Variants in ABCC9 observed in about 807,000 individuals in gnomAD.
ABCC9 encodes ATP-binding cassette sub-family C member 9.
A neutral mutation model predicts 188.3 loss-of-function variants in ABCC9; 95 were observed. The ratio of observed to expected loss-of-function variants is 0.50; its 90% CI spans 0.43 to 0.60. The LOEUF (loss-of-function observed/expected upper bound fraction) is 0.60, where lower values mean the gene tolerates loss of function less well. Ranked by LOEUF, ABCC9 falls within the 20% of genes least tolerant of loss-of-function variation. The probability of loss-of-function intolerance (pLI) is 0.00; values close to 1 mark genes in which losing one functional copy is unlikely to be tolerated. For missense variants in ABCC9, 1,102 were observed against 1,876.3 expected, an observed-to-expected ratio of 0.59 and a Z score of 7.62; for synonymous variants, 659 against 652.7, an observed-to-expected ratio of 1.01 and a Z score of -0.15.
chr12:21,869,800 C>T (rs1291052570), intron 18 of ABCC9: 1 of 152,170 alleles, frequency 6.6e-6, no homozygotes, highest in Non-Finnish European at 1.5e-5. Context: ...AGAGACTTGT[C>T]TTGTCTTGTT....
intron 36 of ABCC9, among the ~76,000 whole-genome samples, chr12:21,811,509 C>T (rs561392175): frequency 6.6e-6 from 1 of 151,856 alleles, no homozygotes; most frequent in South Asian, 2.1e-4. Flanking sequence ...AAATATCTAC[C>T]CTAGAGTAAC....
intron 31 of ABCC9, among the ~76,000 whole-genome samples, chr12:21,825,331 G>A (rs1341771576): frequency 2.0e-5 from 3 of 152,128 alleles, no homozygotes; most frequent in Non-Finnish European, 2.9e-5. Flanking sequence ...CTACTATAAC[G>A]ATACATGCAC....
chr12:21,851,051 C>G (rs1160198907), intron 24 of ABCC9, among the ~76,000 whole-genome samples: 2 of 152,026 alleles, frequency 1.3e-5, no homozygotes, highest in Admixed American at 6.6e-5. Context: ...GTATCTTCCT[C>G]TCTCTATGGA....
Position 21,912,977 on chromosome 12 carries a change from T to C in ABCC9, c.906A>G (p.Thr302=). 6.2e-7 allele frequency: 1 copy of C among 1,613,448 alleles called. No individual in the cohort carries two copies. Among genetic ancestry groups the C allele is most frequent in the Admixed American group, 1.7e-5 (1 of 59,926 alleles). The stretch of plus-strand genomic sequence containing the variant: ...CCAGTAAATCAGCCAGATAGCGGAA[T>C]GTGCTACTAAGTAGAATTGGTCGCC... ...AFGRPILLSS[T]FRYLADLLGF... is the part of the protein sequence containing the mutation. The change falls in exon 8 of 40, where the codon ACA becomes ACG. Residue 302 remains threonine, a synonymous_variant. Coordinates refer to ENST00000261200, the MANE Select transcript of ABCC9 (RefSeq NM_020297.4).
chr12:21,845,279 C>T (rs1249715966), intron 26 of ABCC9, among the ~76,000 whole-genome samples: 2 of 151,670 alleles, frequency 1.3e-5, no homozygotes, highest in Non-Finnish European at 2.9e-5. Flanking sequence ...CATCAAATAC[C>T]ATAAGAACAA....
intron 29 of ABCC9, among the ~76,000 whole-genome samples, chr12:21,839,537 A>G (rs777384723): frequency 1.2e-4 from 19 of 152,244 alleles, no homozygotes; most frequent in Non-Finnish European, 2.6e-4. Flanking sequence ...CCATTTTGAT[A>G]AAGATATATT....
intron 35 of ABCC9, 22 bp downstream of exon 35, chr12:21,814,622 A>C: frequency 6.2e-7 from 1 of 1,610,292 alleles, no homozygotes; most frequent in Non-Finnish European, 8.5e-7. Context: ...TGGCCACTTA[A>C]AAAATTTAGT....
At chr12:21,807,257 TTCAGAACCCAA>T (rs1941921408) in intron 38 of ABCC9, 78 bp downstream of exon 38, 1 of 1,571,628 alleles carries the variant, frequency 6.4e-7, no homozygotes, top group Admixed American at 1.7e-5. Flanking sequence ...GTACTGAGGA[TTCAGAACCCAA>T]TCAGGAAATA....
chr12:21,864,522 A>G (rs1278972342), intron 18 of ABCC9, 45 bp from the exon 19 acceptor site: 8 of 1,375,642 alleles, frequency 5.8e-6, no homozygotes, highest in Middle Eastern at 1.8e-4. Flanking sequence ...AAGTAGAAAT[A>G]TAGAACCAAT....
intron 18 of ABCC9, among the ~76,000 whole-genome samples, chr12:21,867,236 A>G (rs539883214): frequency 4.6e-5 from 7 of 152,228 alleles, no homozygotes; most frequent in African/African-American, 9.6e-5. Context: ...TCACATATCA[A>G]TATGTTTAAT....
intron 20 of ABCC9, among the ~76,000 whole-genome samples, chr12:21,861,938 G>A (rs1423346599): frequency 2.0e-5 from 3 of 152,094 alleles, no homozygotes; most frequent in African/African-American, 2.4e-5. Flanking sequence ...GCTGGGACTG[G>A]AAATCAGATG....
At chr12:21,873,840 T>C (rs944052951) in intron 17 of ABCC9, among the ~76,000 whole-genome samples, 1 of 152,126 alleles carries the variant, frequency 6.6e-6, no homozygotes, top group Non-Finnish European at 1.5e-5. Context: ...AATTGGAGCC[T>C]ATACTACACC....
At chr12:21,932,641 C>T (rs1443491095) in intron 4 of ABCC9, among the ~76,000 whole-genome samples, 1 of 151,844 alleles carries the variant, frequency 6.6e-6, no homozygotes, top group Non-Finnish European at 1.5e-5. Context: ...GAAAAAAGCT[C>T]AACATCCTTG....
chr12:21,806,297 T>C (rs558092260), intron 38 of ABCC9, among the ~76,000 whole-genome samples: 1 of 152,280 alleles, frequency 6.6e-6, no homozygotes, highest in East Asian at 1.9e-4. Context: ...GATAGATTTA[T>C]TTCCAGGAAA....
chr12:21,847,467 T>A (rs878904790), intron 25 of ABCC9, among the ~76,000 whole-genome samples: 2 of 152,148 alleles, frequency 1.3e-5, no homozygotes, highest in African/African-American at 4.8e-5. Context: ...CTGTTTTTTT[T>A]AATTGGTTGG....
intron 25 of ABCC9, among the ~76,000 whole-genome samples, chr12:21,846,411 T>A (rs968850856): frequency 6.6e-6 from 1 of 152,220 alleles, no homozygotes; most frequent in African/African-American, 2.4e-5. Context: ...TAAAGCAGGC[T>A]TTGCATTTCC....
chr12:21,895,864 T>TATTAGA (rs1164515576), intron 12 of ABCC9, among the ~76,000 whole-genome samples: 1 of 152,132 alleles, frequency 6.6e-6, no homozygotes, highest in Non-Finnish European at 1.5e-5. Context: ...TGTCACTGGA[T>TATTAGA]CAGCATGATA....
Position 21,863,064 on chromosome 12 carries a change from G to T in ABCC9, c.2238-10C>A. On this transcript the variant is annotated splice_polypyrimidine_tract_variant and intron_variant, in intron 19 of 39. Coordinates refer to ENST00000261200, the MANE Select transcript of ABCC9 (RefSeq NM_020297.4). ...AGAGTACCTGTTCCTACTGAAAAAT[G>T]AAAAAGAAAAAAAAAAACACCAGGA... The T allele has an allele frequency of 4.6e-6, 7 of 1,515,120 alleles. No homozygotes were observed. The highest frequency in any genetic ancestry group is 4.5e-6 in the Non-Finnish European group (5 of 1,109,994). 93.9% of individuals were successfully genotyped at this position (1,515,120 alleles called of 1,614,324 possible).
chr12:21,833,252 G>T (rs1229168328), intron 30 of ABCC9, among the ~76,000 whole-genome samples: 2 of 151,920 alleles, frequency 1.3e-5, no homozygotes, highest in African/African-American at 4.8e-5. Context: ...AAAATTGCCT[G>T]TTCCCAAAAA....
Sources: allele counts gnomAD v4.1 joint callset (sites outside exome capture counted in the v4.1 genomes callset), GRCh38; gene constraint gnomAD v4.1.1; transcripts MANE v1.5; gene names NCBI Gene and HGNC (gene_info 2026-07-23, HGNC 2026-07-21).